CACNB2: variants seen among roughly 807,000 people sequenced by gnomAD.
The protein encoded by CACNB2 is calcium voltage-gated channel auxiliary subunit beta 2.
A neutral mutation model predicts 73.3 loss-of-function variants in CACNB2; 42 were observed. The observed-to-expected ratio is 0.57, with a 90% CI of 0.45 to 0.74. The LOEUF (loss-of-function observed/expected upper bound fraction) is 0.74, where lower values mean the gene tolerates loss of function less well. Among genes scored for constraint, CACNB2 ranks in the 30% least tolerant of loss-of-function variants. CACNB2 has a pLI of 0.00. For missense variants in CACNB2, 940 were observed against 853.0 expected, an observed-to-expected ratio of 1.10 and a Z score of -1.27; for synonymous variants, 348 against 310.3, an observed-to-expected ratio of 1.12 and a Z score of -1.28.
At chr10:18,487,592 T>G (rs1277177320) in intron 3 of CACNB2, among the ~76,000 whole-genome samples, 1 of 152,146 alleles carries the variant, frequency 6.6e-6, no homozygotes, top group African/African-American at 2.4e-5. Flanking sequence ...CCCAGCACTT[T>G]GGGAGACCGA....
At chr10:18,364,386 C>T (rs1457955818) in intron 2 of CACNB2, among the ~76,000 whole-genome samples, 7 of 151,782 alleles carry the variant, frequency 4.6e-5, no homozygotes, top group Middle Eastern at 6.8e-3. Flanking sequence ...TTGTAACTTC[C>T]GTCTTCCGGG....
In CACNB2 at chr10:18,539,881, A is replaced by ATAGAG. The variant is rs1397802535; in HGVS notation, c.*160_*164dup. On this transcript the variant is annotated 3_prime_UTR_variant, in exon 14 of 14. Coordinates refer to ENST00000324631, the MANE Select transcript of CACNB2 (RefSeq NM_201596.3). ...TGTTGCTTGAATAGCAATAGCATGG[A>ATAGAG]TAGAGTATTGAGATACTTTTTCTTT... 2.2e-5 allele frequency: 18 copies of ATAGAG among 800,672 alleles called. No individual in the cohort carries two copies. The highest frequency in any genetic ancestry group is 1.1e-4 in the South Asian group (6 of 54,540). The allele number at this position is 800,672 out of a possible 1,614,324, so 49.6% of individuals were successfully genotyped here.
chr10:18,389,115 G>A (rs1207561142), intron 2 of CACNB2, among the ~76,000 whole-genome samples: 1 of 152,092 alleles, frequency 6.6e-6, no homozygotes, highest in Non-Finnish European at 1.5e-5. Flanking sequence ...TGAGAAAATG[G>A]AATCCAACCT....
chr10:18,501,565 A>C (rs1257589798), intron 5 of CACNB2, among the ~76,000 whole-genome samples: 1 of 152,236 alleles, frequency 6.6e-6, no homozygotes, highest in East Asian at 1.9e-4. Context: ...TGAAAGAATC[A>C]CTAGAAAGGC....
intron 2 of CACNB2, among the ~76,000 whole-genome samples, chr10:18,174,354 T>G (rs2033450078): frequency 7.5e-6 from 1 of 133,256 alleles, no homozygotes; most frequent in Non-Finnish European, 1.6e-5. Context: ...CTTTTTTTCC[T>G]TCCTTCCTTT....
chr10:18,418,565 C>T (rs1483581481), intron 3 of CACNB2, among the ~76,000 whole-genome samples: 1 of 152,190 alleles, frequency 6.6e-6, no homozygotes, highest in African/African-American at 2.4e-5. Context: ...GTGCCTGTAA[C>T]AGTAACTGAG....
At chr10:18,508,994 A>T (rs1411332479) in intron 6 of CACNB2, among the ~76,000 whole-genome samples, 2 of 152,234 alleles carry the variant, frequency 1.3e-5, no homozygotes, top group Non-Finnish European at 2.9e-5. Context: ...GTAATATTTA[A>T]AAAGGTGATT....
Position 18,454,390 on chromosome 10 carries a change from T to C in CACNB2, c.334-43965T>C, listed in dbSNP as rs77960262. 8.2e-3 allele frequency among the ~76,000 whole-genome samples: 1,243 copies of C among 152,352 alleles called. 15 individuals are homozygous for C. Among genetic ancestry groups the C allele is most frequent in the African/African-American group, 0.029 (1,186 of 41,580 alleles). On this transcript the variant is annotated intron_variant, in intron 3 of 13. Transcript: ENST00000324631. Reference sequence around the variant, plus strand: ...AGGGGCCTTTTCTAGGCAGTTTTTTTCCTAATCACCATCCCTCCCTCCATA... The same window carrying C: ...AGGGGCCTTTTCTAGGCAGTTTTTTCCCTAATCACCATCCCTCCCTCCATA...
chr10:18,205,670 C>A (rs1164279491), intron 2 of CACNB2, among the ~76,000 whole-genome samples: 1 of 152,174 alleles, frequency 6.6e-6, no homozygotes, highest in Non-Finnish European at 1.5e-5. Context: ...CCAAACCACA[C>A]TTCTGAGTCT....
At chr10:18,414,359 C>T (rs567853454) in intron 3 of CACNB2, among the ~76,000 whole-genome samples, 8 of 152,170 alleles carry the variant, frequency 5.3e-5, no homozygotes, top group African/African-American at 1.9e-4. Context: ...ACATTGCTCT[C>T]TGTTTATTTA....
intron 3 of CACNB2, among the ~76,000 whole-genome samples, chr10:18,453,963 C>G (rs1039006424): frequency 1.3e-5 from 2 of 152,186 alleles, no homozygotes; most frequent in Non-Finnish European, 2.9e-5. Context: ...AAACAAGTAG[C>G]ATGGAGGTGC....
intron 3 of CACNB2, among the ~76,000 whole-genome samples, chr10:18,457,899 A>G (rs1355215340): frequency 6.7e-6 from 1 of 148,240 alleles, no homozygotes; most frequent in African/African-American, 2.5e-5. Context: ...TCAAAAAAGG[A>G]AAAAAAAAAG....
At chr10:18,304,923 G>A (rs142989186) in intron 2 of CACNB2, among the ~76,000 whole-genome samples, 1 of 152,240 alleles carries the variant, frequency 6.6e-6, no homozygotes, top group Non-Finnish European at 1.5e-5. Context: ...AGAAAGATGT[G>A]TGCATTATTC....
intron 2 of CACNB2, among the ~76,000 whole-genome samples, chr10:18,208,779 T>TTTTTTTTTTTTTTTTTTTTTG (rs2035201146): frequency 6.6e-6 from 1 of 151,812 alleles, no homozygotes; most frequent in African/African-American, 2.4e-5. Flanking sequence ...AGGCAACTCT[T>TTTTTTTTTTTTTTTTTTTTTG]AAGCACACTG....
chr10:18,445,697 G>C (rs189167247), intron 3 of CACNB2, among the ~76,000 whole-genome samples: 59 of 152,334 alleles, frequency 3.9e-4, no homozygotes, highest in African/African-American at 1.3e-3. Flanking sequence ...GTCAAAAAGA[G>C]AAGGGATAAT....
chr10:18,259,888 C>A (rs2037460430), intron 2 of CACNB2, among the ~76,000 whole-genome samples: 1 of 152,064 alleles, frequency 6.6e-6, no homozygotes, highest in Admixed American at 6.5e-5. Context: ...TCAGCTTGGG[C>A]AGTAGAGTAA....
intron 1 of CACNB2, among the ~76,000 whole-genome samples, chr10:18,141,927 G>A (rs2030456823): frequency 6.6e-6 from 1 of 152,222 alleles, no homozygotes; most frequent in East Asian, 1.9e-4. Context: ...TTTAATTTGC[G>A]GTAAGATATA....
chr10:18,214,136 A>G (rs371911960), intron 2 of CACNB2, among the ~76,000 whole-genome samples: 1 of 124,702 alleles, frequency 8.0e-6, no homozygotes, highest in African/African-American at 2.6e-5. Context: ...GTGAATTTTT[A>G]TAGAAGTATA....
At chr10:18,294,346 G>C (rs1257056236) in intron 2 of CACNB2, among the ~76,000 whole-genome samples, 1 of 152,196 alleles carries the variant, frequency 6.6e-6, no homozygotes, top group African/African-American at 2.4e-5. Flanking sequence ...TGTTCTCTGA[G>C]ATGTGCTGAG....
Sources: gnomAD v4.1 joint callset for allele counts (sites outside exome capture counted in the v4.1 genomes callset) on GRCh38, gnomAD v4.1.1 for gene constraint, MANE v1.5 for transcripts, NCBI Gene and HGNC (gene_info 2026-07-23, HGNC 2026-07-21) for gene names.